LGALS9: variants seen among roughly 807,000 people sequenced by gnomAD.
LGALS9 encodes the protein galectin 9.
A neutral mutation model predicts 35.9 loss-of-function variants in LGALS9; 26 were observed. The observed-to-expected ratio is 0.72, with a 90% CI of 0.53 to 1.01. The LOEUF is 1.01. Ranked by LOEUF, LGALS9 falls within the 50% of genes least tolerant of loss-of-function variation. The probability of loss-of-function intolerance (pLI) is 0.00; values close to 1 mark genes in which losing one functional copy is unlikely to be tolerated. For missense variants in LGALS9, 347 were observed against 445.8 expected (o/e 0.78, Z 1.99); for synonymous variants, 149 against 172.2 (o/e 0.87, Z 1.06).
At chr17:27,643,822 G>A (rs111369349) in intron 5 of LGALS9, among the ~76,000 whole-genome samples, 3,553 of 152,196 alleles carry the variant, frequency 0.023, 75 homozygotes, top group Non-Finnish European at 0.034. Flanking sequence ...TCTTCTTTAC[G>A]TCTCTCCAAG....
intron 8 of LGALS9, among the ~76,000 whole-genome samples, 154 bp from the exon 9 acceptor site, chr17:27,646,876 T>C (rs1904988832): frequency 1.3e-5 from 2 of 152,208 alleles, no homozygotes; most frequent in South Asian, 4.1e-4. Flanking sequence ...CTAAGCCCAT[T>C]AATTTGAGGA....
chr17:27,642,700 A>G (rs550331404), intron 4 of LGALS9, among the ~76,000 whole-genome samples: 1 of 152,106 alleles, frequency 6.6e-6, no homozygotes, highest in African/African-American at 2.4e-5. Flanking sequence ...TCTGCCATTC[A>G]TCATCTGTGG....
At position 27,649,413 on chromosome 17, in the gene LGALS9, G is replaced by A. The variant is rs1020357431; in HGVS notation, c.*431G>A. ...TTTAACCTCACTCTCACCTTGCACC[G>A]TGCACCAACCCTTCACCCCTCCTGG... On this transcript the variant is annotated 3_prime_UTR_variant, in exon 11 of 11. Transcript: ENST00000395473. The A allele has an allele frequency of 3.2e-5, 8 of 248,150 alleles. No homozygotes were observed. The highest frequency in any genetic ancestry group is 9.4e-5 in the East Asian group (1 of 10,620). The allele number at this position is 248,150 out of a possible 1,614,324, so 15.4% of individuals were successfully genotyped here.
intron 7 of LGALS9, among the ~76,000 whole-genome samples, chr17:27,646,180 G>A (rs1258037495): frequency 6.6e-6 from 1 of 152,128 alleles, no homozygotes; most frequent in Non-Finnish European, 1.5e-5. Context: ...ACCAAGTGGG[G>A]AGTACAGTGG....
At chr17:27,645,147 A>G (rs774229791) in intron 5 of LGALS9, 167 bp from the exon 6 acceptor site, 31 of 1,440,776 alleles carry the variant, frequency 2.2e-5, no homozygotes, top group Non-Finnish European at 2.9e-5. Flanking sequence ...GGGGGTAAAA[A>G]TCTGGGTGCC....
At chr17:27,640,394 AC>A in intron 2 of LGALS9, 177 bp from the exon 3 acceptor site, 1 of 960,734 alleles carries the variant, frequency 1.0e-6, no homozygotes, top group South Asian at 1.7e-5. Flanking sequence ...AATAATTAAA[AC>A]AAAAACACAT....
chr17:27,648,287 C>T (rs1905086857), intron 10 of LGALS9, among the ~76,000 whole-genome samples: 1 of 152,174 alleles, frequency 6.6e-6, no homozygotes, highest in South Asian at 2.1e-4. Context: ...TGTGTGACCT[C>T]GGACAAGTGA....
At chr17:27,642,521 C>T in intron 4 of LGALS9, 173 bp downstream of exon 4, 2 of 1,158,138 alleles carry the variant, frequency 1.7e-6, no homozygotes, top group Middle Eastern at 6.1e-4. Flanking sequence ...GTCACTCTGC[C>T]CCTCCTTCTG....
chr17:27,635,104 GTTATAA>G (rs1245048360), intron 1 of LGALS9, among the ~76,000 whole-genome samples: 7 of 152,104 alleles, frequency 4.6e-5, no homozygotes, highest in Admixed American at 4.6e-4. Flanking sequence ...AATCCTTTGT[GTTATAA>G]TGCTGCAATG....
chr17:27,631,445 G>A lies in LGALS9; in HGVS notation c.39+141G>A, dbSNP rs1212316387. 6 of 1,168,854 alleles carry A rather than the reference G, an allele frequency of 5.1e-6. No individual in the cohort carries two copies. In the Admixed American group the frequency reaches 1.3e-4, roughly 25 times the overall value. The allele number at this position is 1,168,854 out of a possible 1,614,324, so 72.4% of individuals were successfully genotyped here. On this transcript the variant is annotated intron_variant, in intron 1 of 10. Coordinates refer to ENST00000395473, the MANE Select transcript of LGALS9 (RefSeq NM_009587.3). ...ACACAAGCAGGGCAGAAATATCAGA[G>A]GAGGTCATCCTGGCACACCTGTGCC...
At chr17:27,644,961 T>G (rs1303945423) in intron 5 of LGALS9, 4 of 271,408 alleles carry the variant, frequency 1.5e-5, no homozygotes, top group Non-Finnish European at 2.8e-5. Context: ...CGACCCACAA[T>G]AGGCCTTCAA....
intron 8 of LGALS9, among the ~76,000 whole-genome samples, 199 bp downstream of exon 8, chr17:27,646,787 C>T (rs113364781): frequency 4.7e-4 from 72 of 152,340 alleles, no homozygotes; most frequent in African/African-American, 1.6e-3. Flanking sequence ...TCAATATGAG[C>T]ACATTGCATG....
At chr17:27,638,635 G>T (rs1263234078) in intron 2 of LGALS9, 4 of 385,514 alleles carry the variant, frequency 1.0e-5, no homozygotes, top group Non-Finnish European at 2.0e-5. Context: ...TATGTTCTGG[G>T]TTGAACCTTG....
Position 27,645,339 on chromosome 17 carries a change from C to A in LGALS9, c.566C>A (p.Pro189Gln). ...CCTCCCGGCGTGTGGCCTGCCAACC[C>A]GGCTCCCATTGTAAGTCTCTTGCTT... is the stretch of plus-strand genomic sequence containing the variant. ...QKPPGVWPAN[P>Q]APITQTVIHT... is the part of the protein sequence containing the mutation. The change falls in exon 6 of 11, where the codon CCG (proline) becomes CAG (glutamine). Residue 189 changes from proline to glutamine, a missense_variant. Coordinates refer to ENST00000395473, the MANE Select transcript of LGALS9 (RefSeq NM_009587.3). 1 of 1,613,730 alleles carries A rather than the reference C, an allele frequency of 6.2e-7. No individual in the cohort carries two copies. The highest frequency in any genetic ancestry group is 1.1e-5 in the South Asian group (1 of 91,034).
rs547950716 is a variant in LGALS9, at chr17:27,637,446, T to G, written c.40-817T>G. ...GATTCAGACCTGGAGTTGGCCTGAC[T>G]CTAAAACGATGCATGCCTCACCATG... On this transcript the variant is annotated intron_variant, in intron 1 of 10. Transcript: ENST00000395473. Among the ~76,000 whole-genome samples, 17 of 152,328 alleles carry G rather than the reference T, an allele frequency of 1.1e-4. No individual in the cohort carries two copies. The South Asian group carries it at 3.3e-3, about 30-fold the overall frequency.
intron 10 of LGALS9, 102 bp downstream of exon 10, chr17:27,647,534 C>G: frequency 6.7e-7 from 1 of 1,485,812 alleles, no homozygotes; most frequent in Non-Finnish European, 9.1e-7. Context: ...GGGCTGATTC[C>G]TCTGGGATGA....
chr17:27,636,666 T>A (rs4794972), intron 1 of LGALS9, among the ~76,000 whole-genome samples: 35,255 of 151,406 alleles, frequency 0.23, 4,132 homozygotes, highest in Admixed American at 0.29. Flanking sequence ...GAGATGGGGG[T>A]CCCATTACGT....
chr17:27,641,972 ATAAT>A (rs1904542784), intron 3 of LGALS9, among the ~76,000 whole-genome samples: 1 of 152,130 alleles, frequency 6.6e-6, no homozygotes, highest in East Asian at 1.9e-4. Context: ...GGAAAAATAA[ATAAT>A]TAATAAATGA....
At chr17:27,640,440 C>A in intron 2 of LGALS9, 132 bp from the exon 3 acceptor site, 1 of 1,337,766 alleles carries the variant, frequency 7.5e-7, no homozygotes, top group East Asian at 2.3e-5. Flanking sequence ...ACGATGCCAA[C>A]AAAGCAGTCT....
Sources: allele counts gnomAD v4.1 joint callset (sites outside exome capture counted in the v4.1 genomes callset), GRCh38; gene constraint gnomAD v4.1.1; transcripts MANE v1.5; gene names NCBI Gene and HGNC (gene_info 2026-07-23, HGNC 2026-07-21).